The following RXFP1 variants were observed in gnomAD, a reference collection of about 807,000 sequenced individuals.
The protein encoded by RXFP1 is relaxin receptor 1.
RXFP1 carries 73 observed loss-of-function variants against 89.8 expected under a neutral mutation model. The ratio of observed to expected loss-of-function variants is 0.81; its 90% CI spans 0.67 to 0.99. The LOEUF is 0.99. Ranked by LOEUF, RXFP1 falls within the 50% of genes least tolerant of loss-of-function variation. The probability of loss-of-function intolerance (pLI) is 0.00; values close to 1 mark genes in which losing one functional copy is unlikely to be tolerated. For synonymous variants in RXFP1, 277 were observed against 305.5 expected, an observed-to-expected ratio of 0.91 and a Z score of 0.97; for missense variants, 793 against 895.5, an observed-to-expected ratio of 0.89 and a Z score of 1.46.
intron 1 of RXFP1, among the ~76,000 whole-genome samples, chr4:158,552,654 G>C (rs1444173572): frequency 6.6e-6 from 1 of 152,210 alleles, no homozygotes; most frequent in Non-Finnish European, 1.5e-5. Flanking sequence ...AATTAGAATA[G>C]TGAGACTACA....
chr4:158,530,780 T>C (rs568939200), intron 1 of RXFP1, among the ~76,000 whole-genome samples: 54 of 152,290 alleles, frequency 3.5e-4, no homozygotes, highest in Non-Finnish European at 6.8e-4. Flanking sequence ...ACAGTTTAAG[T>C]TCCCTGGAAA....
intron 16 of RXFP1, 115 bp from the exon 17 acceptor site, chr4:158,648,384 G>A (rs998781282): frequency 1.3e-5 from 9 of 669,184 alleles, no homozygotes; most frequent in Non-Finnish European, 1.9e-5. Context: ...TATAGTCTTT[G>A]TATCTTTAGT....
intron 5 of RXFP1, among the ~76,000 whole-genome samples, chr4:158,605,341 C>G (rs1762371828): frequency 6.6e-6 from 1 of 152,160 alleles, no homozygotes; most frequent in African/African-American, 2.4e-5. Flanking sequence ...AGAAAAACCT[C>G]AGACACATAT....
chr4:158,591,860 G>A (rs1482030589), intron 2 of RXFP1, among the ~76,000 whole-genome samples: 1 of 152,150 alleles, frequency 6.6e-6, no homozygotes, highest in Non-Finnish European at 1.5e-5. Flanking sequence ...ATATGTTTGG[G>A]CATCCTTAGG....
intron 14 of RXFP1, 50 bp from the exon 15 acceptor site, chr4:158,644,859 G>A: frequency 8.2e-7 from 1 of 1,213,792 alleles, no homozygotes; most frequent in Non-Finnish European, 1.2e-6. Flanking sequence ...AATGTATGGT[G>A]ACACTGAATT....
intron 1 of RXFP1, among the ~76,000 whole-genome samples, chr4:158,529,589 TG>T (rs1158120464): frequency 6.6e-6 from 1 of 152,142 alleles, no homozygotes; most frequent in East Asian, 1.9e-4. Context: ...GCTACATGCT[TG>T]GGTTTGTCCT....
chr4:158,612,489 C>T lies in RXFP1; in HGVS notation c.680+127C>T, dbSNP rs1477658046. On this transcript the variant is annotated intron_variant, in intron 8 of 17. Coordinates refer to ENST00000307765, the MANE Select transcript of RXFP1 (RefSeq NM_021634.4). Reference sequence around the variant, plus strand: ...CAAAGAGGCCTTTTCAATGAAAAACCTTTTCTTAATCATATTCTATAAGGC... The same window carrying T: ...CAAAGAGGCCTTTTCAATGAAAAACTTTTTCTTAATCATATTCTATAAGGC... The T allele has an allele frequency of 1.1e-5, 7 of 640,570 alleles. No individual in the cohort carries two copies. The African/African-American group carries it at 1.3e-4, about 12-fold the overall frequency. The allele number at this position is 640,570 out of a possible 1,614,324, so 39.7% of individuals were successfully genotyped here. A position where few individuals can be genotyped will look rare whatever the true frequency, so the allele number is the denominator to read the frequency against.
chr4:158,645,605 AG>A (rs1191424456), intron 15 of RXFP1, among the ~76,000 whole-genome samples: 1 of 152,210 alleles, frequency 6.6e-6, no homozygotes, highest in Non-Finnish European at 1.5e-5. Context: ...TGTGTAAATA[AG>A]AAAATATTTT....
At chr4:158,523,618 C>T (rs982159819) in intron 1 of RXFP1, among the ~76,000 whole-genome samples, 7 of 152,206 alleles carry the variant, frequency 4.6e-5, no homozygotes, top group South Asian at 2.1e-4. Flanking sequence ...CATCCTTCCA[C>T]GCCTTCCCCA....
At chr4:158,616,280 A>G (rs1249169955) in intron 8 of RXFP1, among the ~76,000 whole-genome samples, 1 of 151,764 alleles carries the variant, frequency 6.6e-6, no homozygotes, top group African/African-American at 2.4e-5. Context: ...AAAGAAAAAA[A>G]TAGCCGGGCA....
At chr4:158,620,973 A>G (rs1362075384) in intron 9 of RXFP1, among the ~76,000 whole-genome samples, 1 of 151,802 alleles carries the variant, frequency 6.6e-6, no homozygotes, top group Non-Finnish European at 1.5e-5. Flanking sequence ...TTTTTTTTAA[A>G]AAATTAGCTG....
rs554178834 is a variant in RXFP1, at chr4:158,567,334, C to T, written c.50-5364C>T. 3.5e-3 allele frequency among the ~76,000 whole-genome samples: 530 copies of T among 152,314 alleles called. 1 individual carries two copies. Among genetic ancestry groups the T allele is most frequent in the African/African-American group, 0.012 (499 of 41,566 alleles). Reference sequence around the variant, plus strand: ...CAGCTCCACCTGCAGCCCCTGTGAGCGATCCACTGAGTGAAGCCAGCTGGG... The same window carrying T: ...CAGCTCCACCTGCAGCCCCTGTGAGTGATCCACTGAGTGAAGCCAGCTGGG... On this transcript the variant is annotated intron_variant, in intron 1 of 17. Transcript: ENST00000307765.
At chr4:158,560,585 C>T (rs751165938) in intron 1 of RXFP1, among the ~76,000 whole-genome samples, 1 of 152,304 alleles carries the variant, frequency 6.6e-6, no homozygotes, top group Non-Finnish European at 1.5e-5. Flanking sequence ...AACAAAGAAG[C>T]GTTTATTTTT....
chr4:158,564,781 A>G (rs1753205183), intron 1 of RXFP1, among the ~76,000 whole-genome samples: 2 of 152,210 alleles, frequency 1.3e-5, no homozygotes, highest in Admixed American at 6.5e-5. Flanking sequence ...GAGGGACTCA[A>G]TATCATTTTT....
At chr4:158,639,645 G>A (rs530691724) in intron 14 of RXFP1, among the ~76,000 whole-genome samples, 24 of 152,216 alleles carry the variant, frequency 1.6e-4, no homozygotes, top group African/African-American at 5.8e-4. Context: ...CGAGGTGGGT[G>A]GATCACCTGA....
Position 158,626,903 on chromosome 4 carries a change from G to A in RXFP1, c.827+12G>A. The A allele has an allele frequency of 1.5e-6, 2 of 1,316,036 alleles. No homozygotes were observed. Among genetic ancestry groups the A allele is most frequent in the Non-Finnish European group, 2.1e-6 (2 of 943,886 alleles). The allele number at this position is 1,316,036 out of a possible 1,614,324, so 81.5% of individuals were successfully genotyped here. ...AATTTAACTGTTTTGTAAGTAATAT[G>A]CTATGCTTTTGAAGTAATATTATCT... On this transcript the variant is annotated intron_variant, in intron 10 of 17. Transcript: ENST00000307765.
At chr4:158,640,630 T>TCATG in intron 14 of RXFP1, among the ~76,000 whole-genome samples, 2 of 152,296 alleles carry the variant, frequency 1.3e-5, no homozygotes, top group East Asian at 3.9e-4. Context: ...ATGAGGGATC[T>TCATG]ACCCCATGAC....
chr4:158,596,579 G>A (rs1400916122), intron 3 of RXFP1, among the ~76,000 whole-genome samples: 1 of 152,098 alleles, frequency 6.6e-6, no homozygotes, highest in Admixed American at 6.6e-5. Flanking sequence ...AATTTTAATT[G>A]AATCTTTTAA....
At chr4:158,534,822 C>A (rs1354347307) in intron 1 of RXFP1, among the ~76,000 whole-genome samples, 1 of 150,128 alleles carries the variant, frequency 6.7e-6, no homozygotes, top group East Asian at 1.9e-4. Context: ...CATACAAACA[C>A]CAAAATCATG....
Sources: gnomAD v4.1 joint callset for allele counts (sites outside exome capture counted in the v4.1 genomes callset) on GRCh38, gnomAD v4.1.1 for gene constraint, MANE v1.5 for transcripts, NCBI Gene and HGNC (gene_info 2026-07-23, HGNC 2026-07-21) for gene names.